WWOX: variants seen among roughly 807,000 people sequenced by gnomAD.
WWOX encodes WW domain containing oxidoreductase, also known as WW domain-containing oxidoreductase.
In WWOX, 69 loss-of-function variants were observed where a neutral mutation model predicts 46.2. The ratio of observed to expected loss-of-function variants is 1.49; its 90% CI spans 1.23 to 1.82. WWOX has a LOEUF of 1.82. Among genes scored for constraint, WWOX ranks in the 40% most tolerant of loss-of-function variants. The probability of loss-of-function intolerance (pLI) is 0.00; values close to 1 mark genes in which losing one functional copy is unlikely to be tolerated. For synonymous variants in WWOX, 359 were observed against 202.6 expected, an observed-to-expected ratio of 1.77 and a Z score of -6.56; for missense variants, 919 against 542.6, an observed-to-expected ratio of 1.69 and a Z score of -6.89.
chr16:78,276,516 C>T (rs1035533748), intron 5 of WWOX, among the ~76,000 whole-genome samples: 11 of 152,246 alleles, frequency 7.2e-5, no homozygotes, highest in African/African-American at 2.7e-4. Context: ...CCCCACTCTT[C>T]TCCCTTTTCT....
intron 7 of WWOX, among the ~76,000 whole-genome samples, chr16:78,430,752 C>G (rs2083198386): frequency 6.6e-6 from 1 of 152,124 alleles, no homozygotes; most frequent in African/African-American, 2.4e-5. Flanking sequence ...TGGCCATCAG[C>G]TTTGTTGATG....
intron 8 of WWOX, among the ~76,000 whole-genome samples, chr16:78,688,150 A>G (rs1034687436): frequency 6.6e-6 from 1 of 152,194 alleles, no homozygotes; most frequent in Admixed American, 6.5e-5. Context: ...ATGCATTTCA[A>G]ATATAAGCTA....
chr16:78,393,743 G>A (rs1418749053), intron 6 of WWOX, among the ~76,000 whole-genome samples: 1 of 151,866 alleles, frequency 6.6e-6, no homozygotes, highest in East Asian at 1.9e-4. Flanking sequence ...TTTGATCATG[G>A]ATTTTTATGT....
chr16:79,007,689 G>A (rs781077877), intron 8 of WWOX, among the ~76,000 whole-genome samples: 1 of 152,218 alleles, frequency 6.6e-6, no homozygotes, highest in Non-Finnish European at 1.5e-5. Context: ...TGAAGAAGTA[G>A]ATTTCATCAA....
At chr16:79,196,893 T>C (rs1389763683) in intron 8 of WWOX, among the ~76,000 whole-genome samples, 2 of 152,154 alleles carry the variant, frequency 1.3e-5, no homozygotes, top group African/African-American at 4.8e-5. Context: ...GGCAATGCAT[T>C]TCGGGAGTTC....
intron 8 of WWOX, among the ~76,000 whole-genome samples, chr16:78,863,280 A>G (rs918283898): frequency 6.6e-6 from 1 of 152,182 alleles, no homozygotes; most frequent in African/African-American, 2.4e-5. Context: ...TTTAACTTGG[A>G]AACAATGAGC....
rs78070450 is a variant in WWOX at position 78,342,659 on chromosome 16, T to C, written c.517-44201T>C. ...CCAGAAAAATGTGTCACAGAACTTATGGCATCAGAATCTGATTCCCAGGCA... is the reference window on the plus strand; with the variant it reads ...CCAGAAAAATGTGTCACAGAACTTACGGCATCAGAATCTGATTCCCAGGCA... On this transcript the variant is annotated intron_variant, in intron 5 of 8. Coordinates refer to ENST00000566780, the MANE Select transcript of WWOX (RefSeq NM_016373.4). Among the ~76,000 whole-genome samples the C allele has an allele frequency of 3.1e-3, 375 of 120,456 alleles. 89 individuals carry two copies. The highest frequency in any genetic ancestry group is 0.01 in the African/African-American group (360 of 35,506). The allele number at this position is 120,456 out of a possible 152,430, so 79.0% of individuals were successfully genotyped here.
intron 8 of WWOX, chr16:78,825,578 C>A (rs1328330324): frequency 3.7e-6 from 2 of 533,472 alleles, no homozygotes; most frequent in South Asian, 1.4e-5. Flanking sequence ...TGCCATTGCC[C>A]AGGTCGAGTC....
chr16:78,563,155 A>G (rs368276313), intron 8 of WWOX, among the ~76,000 whole-genome samples: 15 of 152,280 alleles, frequency 9.9e-5, no homozygotes, highest in African/African-American at 3.6e-4. Context: ...ATTTCTCCAA[A>G]AGGATGTCTG....
At chr16:78,105,317 C>G (rs557727598) in intron 1 of WWOX, among the ~76,000 whole-genome samples, 5 of 152,212 alleles carry the variant, frequency 3.3e-5, no homozygotes, top group Non-Finnish European at 7.4e-5. Flanking sequence ...CAAAAATTAT[C>G]CCGGCATGGT....
intron 8 of WWOX, among the ~76,000 whole-genome samples, chr16:78,574,759 G>C (rs1316142971): frequency 6.6e-6 from 1 of 151,042 alleles, no homozygotes; most frequent in East Asian, 2.0e-4. Context: ...CAAGCTCATA[G>C]AATAGAAACA....
At chr16:78,104,338 C>T (rs918780406) in intron 1 of WWOX, among the ~76,000 whole-genome samples, 4 of 90,904 alleles carry the variant, frequency 4.4e-5, no homozygotes, top group South Asian at 3.6e-4. Context: ...AACACACGCA[C>T]GCACGCACGC....
intron 8 of WWOX, among the ~76,000 whole-genome samples, chr16:78,598,926 C>G (rs1362793724): frequency 6.6e-6 from 1 of 152,170 alleles, no homozygotes. Context: ...ATTCCCGCCT[C>G]TCAACAGGGA....
chr16:78,727,128 G>A (rs1275200896), intron 8 of WWOX, among the ~76,000 whole-genome samples: 1 of 152,208 alleles, frequency 6.6e-6, no homozygotes, highest in Non-Finnish European at 1.5e-5. Flanking sequence ...GTGGGGCACA[G>A]TGGCTCACAC....
chr16:78,401,403 C>T (rs916191621), intron 6 of WWOX, among the ~76,000 whole-genome samples: 1 of 152,124 alleles, frequency 6.6e-6, no homozygotes, highest in Non-Finnish European at 1.5e-5. Context: ...TTCTAATAGG[C>T]TGAAATAATG....
intron 8 of WWOX, among the ~76,000 whole-genome samples, chr16:79,210,493 C>T (rs998935996): frequency 1.3e-5 from 2 of 152,150 alleles, no homozygotes; most frequent in African/African-American, 4.8e-5. Context: ...CCCCCACAAT[C>T]AAAGTTCCTT....
At chr16:78,623,463 T>C (rs1190659318) in intron 8 of WWOX, among the ~76,000 whole-genome samples, 2 of 152,112 alleles carry the variant, frequency 1.3e-5, no homozygotes, top group Non-Finnish European at 2.9e-5. Flanking sequence ...GCAGATCACC[T>C]GAGGTCATGA....
At chr16:79,081,631 C>T (rs188078521) in intron 8 of WWOX, among the ~76,000 whole-genome samples, 126 of 152,290 alleles carry the variant, frequency 8.3e-4, no homozygotes, top group Non-Finnish European at 1.2e-3. Context: ...CAAGACTTTT[C>T]TCACTGCATT....
At chr16:78,127,268 A>G (rs1381682077) in intron 4 of WWOX, among the ~76,000 whole-genome samples, 1 of 152,130 alleles carries the variant, frequency 6.6e-6, no homozygotes, top group Non-Finnish European at 1.5e-5. Context: ...CAGGCGTTTA[A>G]TAACGTGTAG....
Sources: allele counts gnomAD v4.1 joint callset (sites outside exome capture counted in the v4.1 genomes callset), GRCh38; gene constraint gnomAD v4.1.1; transcripts MANE v1.5; gene names NCBI Gene and HGNC (gene_info 2026-07-23, HGNC 2026-07-21).